The following ABCA5 variants were observed in gnomAD, a reference collection of about 807,000 sequenced individuals.
The protein encoded by ABCA5 is cholesterol transporter ABCA5.
Under a neutral mutation model 206.0 loss-of-function variants are expected in ABCA5, and 163 were observed. The ratio of observed to expected loss-of-function variants is 0.79; its 90% confidence interval spans 0.70 to 0.90. The LOEUF is 0.90. Ranked by LOEUF, ABCA5 falls within the 40% of genes least tolerant of loss-of-function variation. The pLI, the probability that ABCA5 is intolerant of heterozygous loss-of-function variation, is 0.00. For synonymous variants in ABCA5, 609 were observed against 613.8 expected (o/e 0.99, Z 0.11); for missense variants, 1,859 against 1,912.9 (o/e 0.97, Z 0.53).
rs1409224161 is a variant in ABCA5, at chr17:69,255,869, T to C, written c.3859-19A>G. The C allele has an allele frequency of 1.3e-6, 2 of 1,514,352 alleles. No individual in the cohort carries two copies. Among genetic ancestry groups the C allele is most frequent in the African/African-American group, 1.4e-5 (1 of 70,848 alleles). 93.8% of individuals were successfully genotyped at this position (1,514,352 alleles called of 1,614,324 possible). A position where few individuals can be genotyped will look rare whatever the true frequency, so the allele number is the denominator to read the frequency against. The stretch of plus-strand genomic sequence containing the variant: ...ATGGTTTCTAATAAGAAAAATTGTA[T>C]TTAAAAAGAAAGTTATAAAACTTAT... On this transcript the variant is annotated intron_variant, in intron 29 of 38. Coordinates refer to ENST00000392676, the MANE Select transcript of ABCA5 (RefSeq NM_172232.4).
intron 24 of ABCA5, among the ~76,000 whole-genome samples, chr17:69,263,012 T>C (rs999293947): frequency 6.6e-6 from 1 of 152,206 alleles, no homozygotes; most frequent in Admixed American, 6.5e-5. Flanking sequence ...TTTTCATACA[T>C]TTGTTGTCCA....
intron 1 of ABCA5, among the ~76,000 whole-genome samples, chr17:69,324,422 G>T (rs1257885607): frequency 6.6e-6 from 1 of 152,228 alleles, no homozygotes; most frequent in Non-Finnish European, 1.5e-5. Flanking sequence ...AAGGGGTGCA[G>T]ATGTATGTTC....
At chr17:69,263,356 G>A (rs1224184929) in intron 24 of ABCA5, among the ~76,000 whole-genome samples, 1 of 152,080 alleles carries the variant, frequency 6.6e-6, no homozygotes, top group South Asian at 2.1e-4. Flanking sequence ...AATTCTTATA[G>A]TTGATGTCTT....
At position 69,327,056 on chromosome 17, in the gene ABCA5, G is replaced by C. The variant is rs7209186; in HGVS notation, c.-20C>G. The C allele has an allele frequency of 6.4e-6, 1 of 156,180 alleles. No individual in the cohort carries two copies. The highest frequency in any genetic ancestry group is 1.4e-5 in the Non-Finnish European group (1 of 71,124). 9.7% of individuals were successfully genotyped at this position (156,180 alleles called of 1,614,324 possible). ...CGCCCGCGACGCCCGCCTCACCTCAGGGCCCGAGCCGCAGAGCTGTCAGGC... is the reference window on the plus strand; with the variant it reads ...CGCCCGCGACGCCCGCCTCACCTCACGGCCCGAGCCGCAGAGCTGTCAGGC... On this transcript the variant is annotated 5_prime_UTR_variant, in exon 1 of 39. Coordinates refer to ENST00000392676, the MANE Select transcript of ABCA5 (RefSeq NM_172232.4).
chr17:69,288,719 G>GAAGAAAAGA (rs1555581072), intron 14 of ABCA5, among the ~76,000 whole-genome samples: 1 of 145,188 alleles, frequency 6.9e-6, no homozygotes, highest in Non-Finnish European at 1.5e-5. Context: ...AAAAAAAAAA[G>GAAGAAAAGA]AAGAAAGAAA....
chr17:69,298,433 T>G (rs1199806001), intron 9 of ABCA5, among the ~76,000 whole-genome samples: 1 of 152,038 alleles, frequency 6.6e-6, no homozygotes, highest in African/African-American at 2.4e-5. Flanking sequence ...ATACCTACAC[T>G]CCTCATTTTT....
At position 69,285,593 on chromosome 17, in the gene ABCA5, C is replaced by T. The variant is rs182787571; in HGVS notation, c.2272+305G>A. On this transcript the variant is annotated intron_variant, in intron 17 of 38. Transcript: ENST00000392676. ...ACATATATGCCTTACTCTCAGGAGG[C>T]CTACAAGCAATTTCTTTTTTTTCTT... 3.6e-4 allele frequency among the ~76,000 whole-genome samples: 54 copies of T among 152,012 alleles called. No individual in the cohort carries two copies. In the East Asian group the frequency reaches 9.1e-3, roughly 26 times the overall value.
chr17:69,251,799 C>T lies in ABCA5; in HGVS notation c.4483G>A (p.Glu1495Lys). 6.2e-7 allele frequency: 1 copy of T among 1,614,064 alleles called. No homozygotes were observed. The highest frequency in any genetic ancestry group is 1.3e-5 in the African/African-American group (1 of 75,026). ...ACTCGATCACAGACAGCCTCTGCCT[C>T]CTCCATATAGTGAGTGGTCAGAATA... ...AAILTTHYME[E>K]AEAVCDRVAI... is the part of the protein sequence containing the mutation. The change falls in exon 35 of 39, where the codon GAG becomes AAG. Residue 1495 changes from glutamate to lysine, a missense_variant. Transcript: ENST00000392676.
At position 69,270,674 on chromosome 17, in the gene ABCA5, T is replaced by C. The variant is rs2075262507; in HGVS notation, c.2969A>G (p.Tyr990Cys). The C allele has an allele frequency of 6.2e-7, 1 of 1,603,062 alleles. No homozygotes were observed. Among genetic ancestry groups the C allele is most frequent in the South Asian group, 1.1e-5 (1 of 88,490 alleles). Residue 990 changes from tyrosine (Y) to cysteine (C), a missense_variant, in exon 22 of 39, where the codon TAC (tyrosine) becomes TGC (cysteine). Tyr to Cys is a radical substitution (Grantham distance 194, BLOSUM62 -2). Coordinates refer to ENST00000392676, the MANE Select transcript of ABCA5 (RefSeq NM_172232.4). ...LPILVNIISNYYLYHLNVTET... is the reference protein window; with the variant it reads ...LPILVNIISNCYLYHLNVTET... ...AGTCACATTTAAATGATAAAGATAG[T>C]AGTTACTAATGATATTCACTAATAT...
rs895679117 is a variant in ABCA5, at chr17:69,244,889, G to T, written c.*2648C>A. ...TTATAGTTAGTTATATAAAATAATA[G>T]CTAGTTATATAAGTTATATAAGTAA... On this transcript the variant is annotated 3_prime_UTR_variant, in exon 39 of 39. Coordinates refer to ENST00000392676, the MANE Select transcript of ABCA5 (RefSeq NM_172232.4). 6.7e-6 allele frequency: 1 copy of T among 149,394 alleles called. No individual in the cohort carries two copies. Among genetic ancestry groups the T allele is most frequent in the Non-Finnish European group, 1.5e-5 (1 of 67,346 alleles). The allele number at this position is 149,394 out of a possible 1,614,324, so 9.3% of individuals were successfully genotyped here.
In ABCA5 at chr17:69,245,398, G is replaced by A. The variant is rs1337633252; in HGVS notation, c.*2139C>T. 1.3e-5 allele frequency: 2 copies of A among 151,786 alleles called. No homozygotes were observed. Among genetic ancestry groups the A allele is most frequent in the Non-Finnish European group, 2.9e-5 (2 of 67,800 alleles). The allele number at this position is 151,786 out of a possible 1,614,324, so 9.4% of individuals were successfully genotyped here. Reference sequence around the variant, plus strand: ...GTACTGACATAGAAAAAAGTTTTGAGATCAGTAATTTAAGACATTTTAAAA... The same window carrying A: ...GTACTGACATAGAAAAAAGTTTTGAAATCAGTAATTTAAGACATTTTAAAA... On this transcript the variant is annotated 3_prime_UTR_variant, in exon 39 of 39. Coordinates refer to ENST00000392676, the MANE Select transcript of ABCA5 (RefSeq NM_172232.4).
At chr17:69,285,381 T>G (rs1414475880) in intron 17 of ABCA5, 1 of 152,284 alleles carries the variant, frequency 6.6e-6, no homozygotes, top group Non-Finnish European at 1.5e-5. Context: ...CTGCACAATG[T>G]ACTTACATCA....
chr17:69,282,497 G>T (rs911644235), intron 18 of ABCA5, among the ~76,000 whole-genome samples: 3 of 152,138 alleles, frequency 2.0e-5, no homozygotes, highest in Non-Finnish European at 4.4e-5. Context: ...TCGGCCGGGC[G>T]CAGTGGCTTA....
chr17:69,309,477 A>G, intron 3 of ABCA5, 54 bp from the exon 4 acceptor site: 4 of 1,175,366 alleles, frequency 3.4e-6, no homozygotes, highest in Non-Finnish European at 4.6e-6. Flanking sequence ...ACCACAATAC[A>G]GTAGATCAAG....
rs2074963463 is a variant in ABCA5 at position 69,247,460 on chromosome 17, T to C, written c.*77A>G. On this transcript the variant is annotated 3_prime_UTR_variant, in exon 39 of 39. Coordinates refer to ENST00000392676, the MANE Select transcript of ABCA5 (RefSeq NM_172232.4). ...CTTGGTTCTCCAGTTACCATTCCAA[T>C]AAAAAACTTTTTAAACCAAAGTTAA... 1.0e-6 allele frequency: 1 copy of C among 996,690 alleles called. No individual in the cohort carries two copies. The highest frequency in any genetic ancestry group is 1.5e-5 in the South Asian group (1 of 64,764). The allele number at this position is 996,690 out of a possible 1,614,324, so 61.7% of individuals were successfully genotyped here.
intron 24 of ABCA5, among the ~76,000 whole-genome samples, chr17:69,262,179 T>C (rs1446926436): frequency 1.3e-5 from 2 of 152,188 alleles, no homozygotes; most frequent in Admixed American, 6.6e-5. Flanking sequence ...CATGTGAACA[T>C]GAATGCAAAT....
intron 10 of ABCA5, among the ~76,000 whole-genome samples, chr17:69,295,844 C>T (rs1269350150): frequency 6.6e-6 from 1 of 151,984 alleles, no homozygotes; most frequent in Non-Finnish European, 1.5e-5. Context: ...TGTTACAAAT[C>T]TCCAAAAAAA....
intron 18 of ABCA5, 86 bp from the exon 19 acceptor site, chr17:69,277,928 T>TG: frequency 9.8e-7 from 1 of 1,022,730 alleles, no homozygotes; most frequent in Non-Finnish European, 1.4e-6. Context: ...AAAGAAGCAT[T>TG]GGTCTGGCAG....
intron 19 of ABCA5, among the ~76,000 whole-genome samples, chr17:69,274,420 A>G (rs1327903707): frequency 6.6e-6 from 1 of 152,086 alleles, no homozygotes; most frequent in East Asian, 1.9e-4. Context: ...GGGTTTCGCC[A>G]TGTTGCCAAG....
Sources: allele counts gnomAD v4.1 joint callset (sites outside exome capture counted in the v4.1 genomes callset), GRCh38; gene constraint gnomAD v4.1.1; transcripts MANE v1.5; gene names NCBI Gene and HGNC (gene_info 2026-07-23, HGNC 2026-07-21).